Variants in CDH12 observed in about 807,000 individuals in gnomAD.
The protein encoded by CDH12 is cadherin 12.
A neutral mutation model predicts 74.1 loss-of-function variants in CDH12; 41 were observed. The observed-to-expected ratio is 0.55, with a 90% CI of 0.43 to 0.72. The LOEUF is 0.72. CDH12 is among the 30% of genes least tolerant of loss of function. The pLI is 0.00. For missense variants in CDH12, 945 were observed against 977.2 expected (o/e 0.97, Z 0.44); for synonymous variants, 399 against 355.0 (o/e 1.12, Z -1.39).
At chr5:22,158,563 G>T (rs1748158755) in intron 4 of CDH12, among the ~76,000 whole-genome samples, 1 of 151,988 alleles carries the variant, frequency 6.6e-6, no homozygotes, top group African/African-American at 2.4e-5. Flanking sequence ...CTGAATGGGG[G>T]TGTTCTTTAG....
chr5:21,824,244 A>T (rs1748535687), intron 8 of CDH12, among the ~76,000 whole-genome samples: 1 of 151,418 alleles, frequency 6.6e-6, no homozygotes, highest in Admixed American at 6.6e-5. Context: ...GGGTGTTTTC[A>T]CCTCACCATT....
chr5:22,123,836 G>A (rs1386057390), intron 4 of CDH12, among the ~76,000 whole-genome samples: 1 of 152,076 alleles, frequency 6.6e-6, no homozygotes, highest in Non-Finnish European at 1.5e-5. Flanking sequence ...ATTAGGAAAT[G>A]GCAGCATTAG....
At chr5:22,455,900 G>A (rs1334507395) in intron 2 of CDH12, among the ~76,000 whole-genome samples, 2 of 152,120 alleles carry the variant, frequency 1.3e-5, no homozygotes, top group Non-Finnish European at 2.9e-5. Flanking sequence ...ATAAAGCTAA[G>A]AAATTCAGCA....
intron 11 of CDH12, among the ~76,000 whole-genome samples, chr5:21,765,378 A>G (rs1396945980): frequency 1.3e-5 from 2 of 152,122 alleles, no homozygotes; most frequent in Non-Finnish European, 2.9e-5. Flanking sequence ...GGGTTAGTTC[A>G]CAGAACCAAT....
chr5:22,326,044 T>C (rs3112480), intron 3 of CDH12, among the ~76,000 whole-genome samples: 144,790 of 152,290 alleles, frequency 0.95, 68,929 homozygotes, highest in Non-Finnish European at 0.98. Flanking sequence ...AATCTAATTA[T>C]AAGAGGTCAA....
intron 3 of CDH12, among the ~76,000 whole-genome samples, chr5:22,254,194 C>G (rs1753228949): frequency 1.3e-5 from 2 of 151,660 alleles, no homozygotes; most frequent in Admixed American, 1.3e-4. Context: ...TTAGATAAAC[C>G]TGGAAGAAAA....
intron 3 of CDH12, among the ~76,000 whole-genome samples, chr5:22,330,265 C>G (rs1403171919): frequency 6.6e-6 from 1 of 151,988 alleles, no homozygotes; most frequent in Non-Finnish European, 1.5e-5. Context: ...CAAAAGGGAC[C>G]CCACTACCTT....
intron 1 of CDH12, among the ~76,000 whole-genome samples, chr5:22,700,808 A>G (rs556436800): frequency 6.6e-6 from 1 of 152,316 alleles, no homozygotes; most frequent in Admixed American, 6.5e-5. Context: ...GACCAGGTAA[A>G]TGAGATATAA....
intron 4 of CDH12, among the ~76,000 whole-genome samples, chr5:22,197,744 T>G (rs1035131460): frequency 1.3e-5 from 2 of 152,046 alleles, no homozygotes; most frequent in African/African-American, 4.8e-5. Flanking sequence ...GCAATTACTT[T>G]ATTTCTGGCT....
intron 4 of CDH12, among the ~76,000 whole-genome samples, chr5:22,090,620 C>CAA (rs1009837931): frequency 6.6e-6 from 1 of 151,566 alleles, no homozygotes; most frequent in African/African-American, 2.4e-5. Flanking sequence ...CACACACACA[C>CAA]ACACACACCC....
chr5:21,831,217 T>C (rs1749004279), intron 8 of CDH12, among the ~76,000 whole-genome samples: 1 of 152,148 alleles, frequency 6.6e-6, no homozygotes, highest in South Asian at 2.1e-4. Context: ...ATTCTGATGT[T>C]GGGAGCAGTA....
chr5:22,569,249 T>C (rs1206245037), intron 1 of CDH12, among the ~76,000 whole-genome samples: 1 of 152,152 alleles, frequency 6.6e-6, no homozygotes, highest in East Asian at 1.9e-4. Flanking sequence ...AGGGGGTGGA[T>C]CCATCATGGC....
At chr5:22,400,786 A>G (rs1383428128) in intron 3 of CDH12, among the ~76,000 whole-genome samples, 1 of 152,148 alleles carries the variant, frequency 6.6e-6, no homozygotes, top group Non-Finnish European at 1.5e-5. Context: ...TGCAGCTCTC[A>G]GGAACATTCT....
At chr5:22,419,345 C>T (rs180863380) in intron 2 of CDH12, among the ~76,000 whole-genome samples, 1 of 152,216 alleles carries the variant, frequency 6.6e-6, no homozygotes, top group African/African-American at 2.4e-5. Context: ...TGTTGTTCCC[C>T]TCCCTGTGTC....
At chr5:22,244,740 AAAAGAAAGAAAGAAAG>A (rs200900772) in intron 3 of CDH12, among the ~76,000 whole-genome samples, 1,141 of 92,624 alleles carry the variant, frequency 0.012, 9 homozygotes, top group African/African-American at 0.026. Flanking sequence ...AGAAAGAAAG[AAAAGAAAGAAAGAAAG>A]AAAGAAAGAA....
At chr5:22,017,927 T>G (rs1737705933) in intron 5 of CDH12, among the ~76,000 whole-genome samples, 1 of 152,038 alleles carries the variant, frequency 6.6e-6, no homozygotes, top group African/African-American at 2.4e-5. Flanking sequence ...GCCTGGCTAA[T>G]TTTGTACTTT....
chr5:22,543,506 A>G (rs1179952211), intron 1 of CDH12, among the ~76,000 whole-genome samples: 1 of 152,268 alleles, frequency 6.6e-6, no homozygotes, highest in East Asian at 1.9e-4. Context: ...CTCTTAGCTT[A>G]ATATCGATTG....
At chr5:22,471,727 G>T (rs962212220) in intron 2 of CDH12, among the ~76,000 whole-genome samples, 1 of 152,124 alleles carries the variant, frequency 6.6e-6, no homozygotes, top group African/African-American at 2.4e-5. Context: ...TCTTTGCCTT[G>T]CTCTAACAGC....
At chr5:21,977,815 C>A (rs1029816702) in intron 5 of CDH12, among the ~76,000 whole-genome samples, 1 of 152,060 alleles carries the variant, frequency 6.6e-6, no homozygotes, top group Non-Finnish European at 1.5e-5. Context: ...AAAAGGTTGA[C>A]CTGTAAATGA....
Sources: allele counts gnomAD v4.1 joint callset (sites outside exome capture counted in the v4.1 genomes callset), GRCh38; gene constraint gnomAD v4.1.1; transcripts MANE v1.5; gene names NCBI Gene and HGNC (gene_info 2026-07-23, HGNC 2026-07-21).